The following TCERG1L variants were observed in gnomAD, a reference collection of about 807,000 sequenced individuals.
TCERG1L encodes the protein transcription elongation regulator 1-like protein.
TCERG1L carries 37 observed loss-of-function variants against 56.3 expected under a neutral mutation model. The ratio of observed to expected loss-of-function variants is 0.66; its 90% confidence interval spans 0.51 to 0.87. The LOEUF (loss-of-function observed/expected upper bound fraction) is 0.87, where lower values mean the gene tolerates loss of function less well. TCERG1L is among the 40% of genes least tolerant of loss of function. The pLI, the probability that TCERG1L is intolerant of heterozygous loss-of-function variation, is 0.00. For missense variants in TCERG1L, 799 were observed against 774.2 expected, an observed-to-expected ratio of 1.03 and a Z score of -0.38; for synonymous variants, 324 against 326.3, an observed-to-expected ratio of 0.99 and a Z score of 0.08.
intron 3 of TCERG1L, among the ~76,000 whole-genome samples, chr10:131,266,164 C>T (rs987739676): frequency 6.6e-6 from 1 of 152,194 alleles, no homozygotes; most frequent in Admixed American, 6.5e-5. Context: ...ACTCCTTATG[C>T]GTTAAAGTTG....
chr10:131,161,080 CA>C (rs1845972463), intron 6 of TCERG1L: 1 of 152,218 alleles, frequency 6.6e-6, no homozygotes, highest in Non-Finnish European at 1.5e-5. Context: ...AATGTATATG[CA>C]GTCATGTGCC....
chr10:131,207,767 C>A (rs567233683), intron 4 of TCERG1L, among the ~76,000 whole-genome samples: 116 of 152,242 alleles, frequency 7.6e-4, no homozygotes, highest in African/African-American at 2.7e-3. Flanking sequence ...GAACCAGGAC[C>A]GCCCTCACAG....
intron 3 of TCERG1L, among the ~76,000 whole-genome samples, chr10:131,274,339 G>A (rs1286873131): frequency 6.6e-6 from 1 of 152,226 alleles, no homozygotes; most frequent in East Asian, 1.9e-4. Flanking sequence ...AAGGCAGCCA[G>A]GGCCAACGCC....
chr10:131,232,914 T>C (rs1423580206), intron 4 of TCERG1L, among the ~76,000 whole-genome samples: 2 of 152,206 alleles, frequency 1.3e-5, no homozygotes, highest in African/African-American at 2.4e-5. Flanking sequence ...TCTTTGTAAA[T>C]AGGTTTTTAC....
intron 3 of TCERG1L, among the ~76,000 whole-genome samples, chr10:131,266,238 T>C (rs1330292541): frequency 1.3e-5 from 2 of 152,256 alleles, no homozygotes; most frequent in Non-Finnish European, 2.9e-5. Flanking sequence ...GTTCTCTTGC[T>C]GTTTCCACCA....
intron 10 of TCERG1L, among the ~76,000 whole-genome samples, chr10:131,099,558 C>T (rs529992522): frequency 2.0e-4 from 30 of 152,258 alleles, no homozygotes; most frequent in South Asian, 1.7e-3. Context: ...AGAATGTGAC[C>T]GAGGACCAAG....
At chr10:131,210,685 G>A (rs1036034163) in intron 4 of TCERG1L, among the ~76,000 whole-genome samples, 49 of 151,872 alleles carry the variant, frequency 3.2e-4, no homozygotes, top group Admixed American at 2.6e-4. Context: ...CCTCATCTCC[G>A]CCCTTCCCTC....
chr10:131,134,417 G>A lies in TCERG1L; in HGVS notation c.1221C>T (p.Asp407=), dbSNP rs576218484. ...TDNSDGSSSE[D]NREDQDVKTK... The stretch of plus-strand genomic sequence containing the variant: ...TTTTCACATCTTGGTCTTCCCTGTT[G>A]TCTTCAGAACTGGACCCATCGCTGT... The change falls in exon 8 of 12, where the codon GAC becomes GAT. Residue 407 remains aspartate, a synonymous_variant. Coordinates refer to ENST00000368642, the MANE Select transcript of TCERG1L (RefSeq NM_174937.4). 3 of 1,596,376 alleles carry A rather than the reference G, an allele frequency of 1.9e-6. No homozygotes were observed. The East Asian group carries it at 6.7e-5, about 36-fold the overall frequency.
intron 7 of TCERG1L, among the ~76,000 whole-genome samples, chr10:131,144,491 G>A (rs767701978): frequency 1.5e-4 from 23 of 151,998 alleles, no homozygotes; most frequent in African/African-American, 5.6e-4. Context: ...GTGCATTTTC[G>A]GGAATGGGAA....
intron 8 of TCERG1L, among the ~76,000 whole-genome samples, chr10:131,126,446 G>C (rs150476284): frequency 6.6e-6 from 1 of 152,348 alleles, no homozygotes; most frequent in African/African-American, 2.4e-5. Flanking sequence ...GCTGAAAAGG[G>C]TTTGCTGGTG....
At chr10:131,239,864 T>C (rs955113387) in intron 4 of TCERG1L, among the ~76,000 whole-genome samples, 1 of 152,190 alleles carries the variant, frequency 6.6e-6, no homozygotes, top group Non-Finnish European at 1.5e-5. Context: ...AAAGCGTGCA[T>C]TATCTTACTA....
intron 3 of TCERG1L, among the ~76,000 whole-genome samples, chr10:131,262,638 G>C (rs1846246454): frequency 6.6e-6 from 1 of 152,154 alleles, no homozygotes; most frequent in Non-Finnish European, 1.5e-5. Context: ...TTCATGAGCT[G>C]ACAATGGCAC....
At chr10:131,252,948 C>T (rs1846127466) in intron 4 of TCERG1L, among the ~76,000 whole-genome samples, 1 of 152,194 alleles carries the variant, frequency 6.6e-6, no homozygotes, top group Non-Finnish European at 1.5e-5. Flanking sequence ...AGGCACACTT[C>T]TAAATCTGGT....
chr10:131,248,152 C>T (rs1286349791), intron 4 of TCERG1L, among the ~76,000 whole-genome samples: 1 of 151,356 alleles, frequency 6.6e-6, no homozygotes, highest in East Asian at 1.9e-4. Context: ...CACACATACG[C>T]TGGTAAACAC....
chr10:131,208,416 T>C (rs755327985), intron 4 of TCERG1L, among the ~76,000 whole-genome samples: 70 of 152,198 alleles, frequency 4.6e-4, no homozygotes, highest in Admixed American at 4.4e-3. Context: ...CAGAGATGCA[T>C]GTGAACGATG....
intron 3 of TCERG1L, among the ~76,000 whole-genome samples, chr10:131,282,749 G>T (rs544016241): frequency 5.9e-5 from 9 of 152,246 alleles, no homozygotes; most frequent in East Asian, 1.9e-4. Context: ...CAGACACTTT[G>T]TCAGGCTTTG....
chr10:131,112,720 G>A lies in TCERG1L; in HGVS notation c.1395+4079C>T, dbSNP rs934972641. On this transcript the variant is annotated intron_variant, in intron 9 of 11. Coordinates refer to ENST00000368642, the MANE Select transcript of TCERG1L (RefSeq NM_174937.4). Reference sequence around the variant, plus strand: ...TAAAGAAACAGTATGGCAATGGCCCGGCTGCAGGCATTTGTTTGGAAGGTG... The same window carrying A: ...TAAAGAAACAGTATGGCAATGGCCCAGCTGCAGGCATTTGTTTGGAAGGTG... Among the ~76,000 whole-genome samples, 7 of 142,344 alleles carry A rather than the reference G, an allele frequency of 4.9e-5. 1 individual carries two copies. Among genetic ancestry groups the A allele is most frequent in the Non-Finnish European group, 6.3e-5 (4 of 63,286 alleles). 93.4% of individuals were successfully genotyped at this position (142,344 alleles called of 152,430 possible).
At chr10:131,184,297 T>G (rs756714725) in intron 4 of TCERG1L, among the ~76,000 whole-genome samples, 17 of 152,246 alleles carry the variant, frequency 1.1e-4, no homozygotes, top group Admixed American at 2.6e-4. Flanking sequence ...TGTCTTTTAA[T>G]CTTTAAATCT....
intron 5 of TCERG1L, among the ~76,000 whole-genome samples, chr10:131,165,573 ATT>A (rs1716169312): frequency 6.6e-6 from 1 of 152,226 alleles, no homozygotes; most frequent in Admixed American, 6.5e-5. Context: ...AAAAATATAT[ATT>A]AAGACTAGAG....
Sources: gnomAD v4.1 joint callset for allele counts (sites outside exome capture counted in the v4.1 genomes callset) on GRCh38, gnomAD v4.1.1 for gene constraint, MANE v1.5 for transcripts, NCBI Gene and HGNC (gene_info 2026-07-23, HGNC 2026-07-21) for gene names.